Variants in WASHC5 observed in about 807,000 individuals in gnomAD.
WASHC5 encodes the protein WASH complex subunit 5, also known as WASH complex subunit strumpellin.
A neutral mutation model predicts 150.4 loss-of-function variants in WASHC5; 101 were observed. That is an observed-to-expected ratio of 0.67 (90% CI 0.57 to 0.79). The LOEUF is 0.79. Ranked by LOEUF, WASHC5 falls within the 30% of genes least tolerant of loss-of-function variation. The pLI, the probability that WASHC5 is intolerant of heterozygous loss-of-function variation, is 0.00. For missense variants in WASHC5, 1,195 were observed against 1,396.3 expected, an observed-to-expected ratio of 0.86 and a Z score of 2.30; for synonymous variants, 467 against 491.2, an observed-to-expected ratio of 0.95 and a Z score of 0.65.
intron 19 of WASHC5, among the ~76,000 whole-genome samples, chr8:125,048,355 G>A (rs1281705543): frequency 6.6e-6 from 1 of 151,980 alleles, no homozygotes; most frequent in African/African-American, 2.4e-5. Flanking sequence ...TATGCATTTG[G>A]TATTCTTTTT....
chr8:125,069,463 C>G (rs913405094), intron 9 of WASHC5, among the ~76,000 whole-genome samples: 5 of 152,224 alleles, frequency 3.3e-5, no homozygotes, highest in Non-Finnish European at 2.9e-5. Flanking sequence ...ATGGTAGTTA[C>G]ACTAGTATTA....
chr8:125,085,207 T>G (rs565653566), intron 1 of WASHC5, among the ~76,000 whole-genome samples: 1 of 152,138 alleles, frequency 6.6e-6, no homozygotes, highest in Non-Finnish European at 1.5e-5. Context: ...AAATAAGAAG[T>G]GTAACATACA....
At chr8:125,088,373 C>G (rs561768935) in intron 1 of WASHC5, among the ~76,000 whole-genome samples, 2 of 149,184 alleles carry the variant, frequency 1.3e-5, no homozygotes, top group Admixed American at 1.3e-4. Flanking sequence ...TGCAGTGAAC[C>G]GAGATTGCAC....
chr8:125,073,689 T>C (rs747613339), intron 8 of WASHC5, among the ~76,000 whole-genome samples: 2 of 152,228 alleles, frequency 1.3e-5, no homozygotes, highest in African/African-American at 2.4e-5. Flanking sequence ...ATATGGACTA[T>C]ACTTATTGGG....
chr8:125,064,197 GTTAT>G (rs1251262774), intron 10 of WASHC5, among the ~76,000 whole-genome samples: 1 of 151,536 alleles, frequency 6.6e-6, no homozygotes, highest in East Asian at 1.9e-4. Context: ...TGTGTTTATT[GTTAT>G]TTATTTATTT....
At chr8:125,054,314 G>C (rs776267713) in intron 17 of WASHC5, among the ~76,000 whole-genome samples, 2 of 152,204 alleles carry the variant, frequency 1.3e-5, no homozygotes, top group Non-Finnish European at 2.9e-5. Flanking sequence ...AAAAGAATGA[G>C]ACTTAGAGCA....
At chr8:125,049,745 G>A (rs1816183010) in intron 18 of WASHC5, among the ~76,000 whole-genome samples, 1 of 151,384 alleles carries the variant, frequency 6.6e-6, no homozygotes, top group Admixed American at 6.6e-5. Context: ...GGAGGCTGAG[G>A]CACAAGAATC....
intron 26 of WASHC5, among the ~76,000 whole-genome samples, chr8:125,034,412 A>T (rs1414064326): frequency 6.6e-6 from 1 of 152,176 alleles, no homozygotes; most frequent in African/African-American, 2.4e-5. Flanking sequence ...TGGCCGAGGC[A>T]GAACTGCTTG....
intron 10 of WASHC5, 73 bp from the exon 11 acceptor site, chr8:125,063,724 G>A: frequency 7.3e-7 from 1 of 1,376,198 alleles, no homozygotes; most frequent in Non-Finnish European, 1.0e-6. Flanking sequence ...AAGAGAGCTT[G>A]AGGAAACCCA....
chr8:125,079,274 C>G (rs1817178978), intron 5 of WASHC5, among the ~76,000 whole-genome samples: 1 of 144,772 alleles, frequency 6.9e-6, no homozygotes, highest in South Asian at 2.2e-4. Flanking sequence ...TCACTGCAAC[C>G]TCTGCCTCCA....
intron 27 of WASHC5, among the ~76,000 whole-genome samples, chr8:125,029,935 G>A (rs1256119189): frequency 6.6e-6 from 1 of 152,192 alleles, no homozygotes; most frequent in Non-Finnish European, 1.5e-5. Flanking sequence ...TGTGACCAGG[G>A]CTATATTTGC....
At chr8:125,047,066 G>A in intron 20 of WASHC5, 141 bp downstream of exon 20, 1 of 996,756 alleles carries the variant, frequency 1.0e-6, no homozygotes. Context: ...AGGGGTTAGG[G>A]ACCCTTGCCC....
chr8:125,030,937 C>T (rs1182942466), intron 27 of WASHC5, among the ~76,000 whole-genome samples: 4 of 152,138 alleles, frequency 2.6e-5, no homozygotes, highest in Admixed American at 2.6e-4. Flanking sequence ...CATACAAAAT[C>T]GGAAGTGATG....
chr8:125,065,749 T>C (rs754693593), intron 10 of WASHC5, among the ~76,000 whole-genome samples: 4 of 152,020 alleles, frequency 2.6e-5, no homozygotes, highest in African/African-American at 4.8e-5. Context: ...CCTGAAGAGC[T>C]TGGAATACAG....
chr8:125,052,044 A>G (rs1210455099), intron 17 of WASHC5, among the ~76,000 whole-genome samples: 3 of 152,240 alleles, frequency 2.0e-5, no homozygotes, highest in African/African-American at 7.2e-5. Flanking sequence ...AGTGGGGCTC[A>G]CTAAATCCTA....
At chr8:125,044,900 C>G (rs1586346874) in intron 20 of WASHC5, 1 of 624,262 alleles carries the variant, frequency 1.6e-6, no homozygotes, top group African/African-American at 1.8e-5. Context: ...AGTCTGACCC[C>G]CTTTTCCTGC....
intron 9 of WASHC5, among the ~76,000 whole-genome samples, chr8:125,071,576 G>A (rs899793292): frequency 6.6e-6 from 1 of 151,990 alleles, no homozygotes; most frequent in South Asian, 2.1e-4. Context: ...CTCATCACAC[G>A]CCTGGTTGGC....
chr8:125,045,917 T>C (rs1816053981), intron 20 of WASHC5, among the ~76,000 whole-genome samples: 1 of 152,218 alleles, frequency 6.6e-6, no homozygotes, highest in South Asian at 2.1e-4. Context: ...CTTCGGTGAT[T>C]GAAGGCTACC....
At chr8:125,071,549 G>T (rs1816895771) in intron 9 of WASHC5, among the ~76,000 whole-genome samples, 1 of 152,124 alleles carries the variant, frequency 6.6e-6, no homozygotes, top group African/African-American at 2.4e-5. Context: ...AATTTCTTCT[G>T]CTTTTTGCTT....
Sources: allele counts gnomAD v4.1 joint callset (sites outside exome capture counted in the v4.1 genomes callset), GRCh38; gene constraint gnomAD v4.1.1; transcripts MANE v1.5; gene names NCBI Gene and HGNC (gene_info 2026-07-23, HGNC 2026-07-21).